CCDC102B: variants seen among roughly 807,000 people sequenced by gnomAD.
CCDC102B encodes the protein coiled-coil domain-containing protein 102B.
In CCDC102B, 75 loss-of-function variants were observed where a neutral mutation model predicts 57.4. That is an observed-to-expected ratio of 1.31 (90% CI 1.08 to 1.58). The LOEUF is 1.58. Among genes scored for constraint, CCDC102B ranks in the 40% most tolerant of loss-of-function variants. The pLI is 0.00. For synonymous variants in CCDC102B, 206 were observed against 201.9 expected (o/e 1.02, Z -0.17); for missense variants, 636 against 582.6 (o/e 1.09, Z -0.94).
At chr18:68,734,162 T>C (rs1277906367) in intron 2 of CCDC102B, among the ~76,000 whole-genome samples, 2 of 152,216 alleles carry the variant, frequency 1.3e-5, no homozygotes, top group Non-Finnish European at 2.9e-5. Context: ...ATGGTTGCTA[T>C]AGAAGCAACT....
chr18:68,927,603 A>G (rs1299821831), intron 6 of CCDC102B, among the ~76,000 whole-genome samples: 3 of 152,020 alleles, frequency 2.0e-5, no homozygotes, highest in Admixed American at 6.6e-5. Flanking sequence ...ACAATTATGC[A>G]TGATATAATA....
intron 6 of CCDC102B, among the ~76,000 whole-genome samples, chr18:68,934,753 A>G (rs1038299635): frequency 5.9e-5 from 9 of 151,944 alleles, no homozygotes; most frequent in Non-Finnish European, 1.0e-4. Context: ...ACTATATTCA[A>G]ACGTAGTTAT....
chr18:68,950,578 A>G (rs1255881438), intron 6 of CCDC102B, among the ~76,000 whole-genome samples: 1 of 152,102 alleles, frequency 6.6e-6, no homozygotes, highest in Non-Finnish European at 1.5e-5. Flanking sequence ...AGTGTCTATT[A>G]TATTTCTAGG....
chr18:68,935,708 T>C (rs1042234027), intron 6 of CCDC102B, among the ~76,000 whole-genome samples: 2 of 151,932 alleles, frequency 1.3e-5, no homozygotes, highest in South Asian at 2.1e-4. Flanking sequence ...CTTGAAGTTT[T>C]CAAGGTTCAG....
chr18:68,810,315 T>G (rs2036193755), intron 1 of CCDC102B, among the ~76,000 whole-genome samples: 1 of 152,178 alleles, frequency 6.6e-6, no homozygotes, highest in African/African-American at 2.4e-5. Context: ...ACTGAAAAAC[T>G]TCATATAATG....
intron 1 of CCDC102B, among the ~76,000 whole-genome samples, chr18:68,825,923 A>G (rs1363999878): frequency 2.8e-4 from 43 of 152,100 alleles, no homozygotes. Flanking sequence ...TTCTAATTTT[A>G]AGTTGTTAAA....
At chr18:68,862,461 A>C (rs1453864786) in intron 4 of CCDC102B, among the ~76,000 whole-genome samples, 1 of 152,158 alleles carries the variant, frequency 6.6e-6, no homozygotes, top group Non-Finnish European at 1.5e-5. Flanking sequence ...CACAATAGGG[A>C]TGTATTACTT....
In CCDC102B at chr18:68,934,848, T is replaced by A. The variant is rs1379977310; in HGVS notation, c.1263+37420T>A. Among the ~76,000 whole-genome samples, 2 of 151,894 alleles carry A rather than the reference T, an allele frequency of 1.3e-5. 1 individual carries two copies. On this transcript the variant is annotated intron_variant, in intron 6 of 7. Transcript: ENST00000360242. ...ATTTAGTACCTCCTCTGCTTTACAC[T>A]GTTCTTAAGATATAGGTACGTTTCA... is the stretch of plus-strand genomic sequence containing the variant.
intron 2 of CCDC102B, among the ~76,000 whole-genome samples, chr18:68,785,267 GAAT>G (rs901459437): frequency 2.8e-4 from 43 of 152,008 alleles, no homozygotes; most frequent in African/African-American, 9.7e-4. Context: ...TTGCTATTGT[GAAT>G]AATGTCACAA....
rs201945991 is a variant in CCDC102B at position 68,765,380 on chromosome 18, A to AG, written c.-67+48786_-67+48787insG. ...AAGAAAGAAAGAAAGAAAGAAAGAA[A>AG]AGAAAGAAAGAAAAGAAAGGAAGGA... On this transcript the variant is annotated intron_variant, in intron 2 of 3. Coordinates refer to the CCDC102B transcript ENST00000578970. 3.0e-3 allele frequency among the ~76,000 whole-genome samples: 429 copies of AG among 144,420 alleles called. 2 individuals are homozygous for AG. The highest frequency in any genetic ancestry group is 0.011 in the African/African-American group (381 of 35,276). The allele number at this position is 144,420 out of a possible 152,430, so 94.7% of individuals were successfully genotyped here.
chr18:68,794,072 A>G (rs1260380481), upstream of CCDC102B, among the ~76,000 whole-genome samples: 1 of 152,128 alleles, frequency 6.6e-6, no homozygotes, highest in Non-Finnish European at 1.5e-5. Context: ...CTAGCTCCCA[A>G]TCTAATAAAT....
At chr18:68,980,876 T>TA (rs1157292996) in intron 6 of CCDC102B, among the ~76,000 whole-genome samples, 2 of 151,944 alleles carry the variant, frequency 1.3e-5, no homozygotes, top group African/African-American at 2.4e-5. Context: ...TACTCTGAGA[T>TA]AAAGGGGGAG....
At chr18:68,962,432 A>G (rs952113419) in intron 6 of CCDC102B, among the ~76,000 whole-genome samples, 3 of 152,002 alleles carry the variant, frequency 2.0e-5, no homozygotes, top group African/African-American at 7.2e-5. Flanking sequence ...CAGTACAGTA[A>G]TACTCTCCTT....
intron 6 of CCDC102B, among the ~76,000 whole-genome samples, chr18:68,935,311 C>A (rs979037015): frequency 2.6e-5 from 4 of 151,756 alleles, no homozygotes; most frequent in African/African-American, 4.8e-5. Flanking sequence ...AGAAGATGTG[C>A]TGATGGATGA....
intron 6 of CCDC102B, among the ~76,000 whole-genome samples, chr18:68,918,326 C>T (rs2041149809): frequency 6.6e-6 from 1 of 152,090 alleles, no homozygotes; most frequent in African/African-American, 2.4e-5. Context: ...TCCGCTTTAA[C>T]ATTCACTGAT....
At position 68,737,864 on chromosome 18, in the gene CCDC102B, A is replaced by G. The variant is rs148995583; in HGVS notation, c.-67+21270A>G. Among the ~76,000 whole-genome samples, 42 of 152,196 alleles carry G rather than the reference A, an allele frequency of 2.8e-4. No individual in the cohort carries two copies. The East Asian group carries it at 6.6e-3, about 24-fold the overall frequency. On this transcript the variant is annotated intron_variant, in intron 2 of 3. Transcript: ENST00000578970. ...CAATCCACATTGTTCCTCTTGGTGGAAGTGATTTCTTCTGGGAATCAGGAA... is the reference window on the plus strand; with the variant it reads ...CAATCCACATTGTTCCTCTTGGTGGGAGTGATTTCTTCTGGGAATCAGGAA...
chr18:68,969,719 T>C (rs1163109812), intron 6 of CCDC102B, among the ~76,000 whole-genome samples: 4 of 152,086 alleles, frequency 2.6e-5, no homozygotes, highest in African/African-American at 9.7e-5. Flanking sequence ...TTCTCCAATT[T>C]CATAGTTTGA....
rs73451751 is a variant in CCDC102B at position 68,990,143 on chromosome 18, A to G, written c.1264-20791A>G. Reference sequence around the variant, plus strand: ...GAACAGGTTACTTTTCCTTTTTCCAATGTCACTGAGGCACCACTCTGTCCC... The same window carrying G: ...GAACAGGTTACTTTTCCTTTTTCCAGTGTCACTGAGGCACCACTCTGTCCC... On this transcript the variant is annotated intron_variant, in intron 6 of 7. Coordinates refer to ENST00000360242, the MANE Select transcript of CCDC102B (RefSeq NM_024781.3). Among the ~76,000 whole-genome samples, 917 of 152,254 alleles carry G rather than the reference A, an allele frequency of 6.0e-3. 11 individuals are homozygous for G. The highest frequency in any genetic ancestry group is 0.019 in the African/African-American group (809 of 41,548).
intron 1 of CCDC102B, among the ~76,000 whole-genome samples, chr18:68,816,931 C>A (rs1408103386): frequency 3.1e-4 from 47 of 152,184 alleles, no homozygotes; most frequent in Non-Finnish European, 1.3e-4. Flanking sequence ...TGTATTCAAG[C>A]TAACTTATGC....
Sources: gnomAD v4.1 joint callset for allele counts (sites outside exome capture counted in the v4.1 genomes callset) on GRCh38, gnomAD v4.1.1 for gene constraint, MANE v1.5 for transcripts, NCBI Gene and HGNC (gene_info 2026-07-23, HGNC 2026-07-21) for gene names.